The following SEMA6C variants were observed in gnomAD, a reference collection of about 807,000 sequenced individuals.
The protein encoded by SEMA6C is semaphorin 6C, also known as semaphorin-6C.
In SEMA6C, 37 loss-of-function variants were observed where a neutral mutation model predicts 72.9. That is an observed-to-expected ratio of 0.51 (90% CI 0.39 to 0.67). The LOEUF is 0.67. SEMA6C is among the 30% of genes least tolerant of loss of function. The pLI is 0.00. For missense variants in SEMA6C, 1,189 were observed against 1,263.6 expected (o/e 0.94, Z 0.89); for synonymous variants, 578 against 554.1 (o/e 1.04, Z -0.61).
chr1:151,133,543 G>C lies in SEMA6C; in HGVS notation c.1760-26C>G. 1 of 1,485,088 alleles carries C rather than the reference G, an allele frequency of 6.7e-7. No individual in the cohort carries two copies. The highest frequency in any genetic ancestry group is 8.9e-7 in the Non-Finnish European group (1 of 1,120,680). The allele number at this position is 1,485,088 out of a possible 1,614,324, so 92.0% of individuals were successfully genotyped here. On this transcript the variant is annotated intron_variant, in intron 18 of 18. Coordinates refer to ENST00000368914, the MANE Select transcript of SEMA6C (RefSeq NM_030913.6). The surrounding 1 kb of genome is among the most constrained non-coding windows in gnomAD (Gnocchi z 5.9). ...CTGCCGACCGAGAGGGAGGAGGGAGGCTCAGCCAAGGGGAGGCGGTGCGGG... is the reference window on the plus strand; with the variant it reads ...CTGCCGACCGAGAGGGAGGAGGGAGCCTCAGCCAAGGGGAGGCGGTGCGGG...
intron 3 of SEMA6C, among the ~76,000 whole-genome samples, chr1:151,140,658 G>A (rs762015159): frequency 7.9e-5 from 12 of 152,170 alleles, no homozygotes; most frequent in Non-Finnish European, 1.6e-4. Flanking sequence ...AGTCATCAGT[G>A]GTCAAAGGAT....
In SEMA6C at chr1:151,133,891, G is replaced by A; in HGVS notation, c.1760-374C>T. The A allele has an allele frequency of 1.5e-6, 2 of 1,314,070 alleles. No homozygotes were observed. Among genetic ancestry groups the A allele is most frequent in the South Asian group, 2.6e-5 (2 of 77,932 alleles). 81.4% of individuals were successfully genotyped at this position (1,314,070 alleles called of 1,614,324 possible). On this transcript the variant is annotated intron_variant, in intron 18 of 18. Transcript: ENST00000368914. This position sits in a 1 kb window ranked among gnomAD's most constrained non-coding sequence, Gnocchi z 5.9. ...TGAGCACCAAACACCATTCAGTGAG[G>A]GGCTTAGAACGCTCCGAGAATCAGC...
chr1:151,134,285 G>T, intron 18 of SEMA6C, 116 bp downstream of exon 18: 1 of 1,060,908 alleles, frequency 9.4e-7, no homozygotes, highest in Non-Finnish European at 1.4e-6. Flanking sequence ...GGAGGATGCC[G>T]ACCCTTTTCC....
In SEMA6C at chr1:151,132,696, G is replaced by C. The variant is rs891689515; in HGVS notation, c.2581C>G (p.Pro861Ala). ...RLPFSGHRAP[P>A]ALLTRVPSGG... ...GAGGGGACTCGAGTGAGCAGGGCAGGGGGGGCCCGGTGGCCGGAGAAAGGC... is the reference window on the plus strand; with the variant it reads ...GAGGGGACTCGAGTGAGCAGGGCAGCGGGGGCCCGGTGGCCGGAGAAAGGC... Residue 861 changes from proline to alanine, a missense_variant, in exon 19 of 19, where the codon CCT (proline) becomes GCT (alanine). This residue lies in a region of SEMA6C where 721 missense variants were observed against 686.2 expected (regional missense o/e 1.05). Coordinates refer to ENST00000368914, the MANE Select transcript of SEMA6C (RefSeq NM_030913.6). 4.0e-6 allele frequency: 6 copies of C among 1,500,146 alleles called. No individual in the cohort carries two copies. Among genetic ancestry groups the C allele is most frequent in the Admixed American group, 5.0e-5 (2 of 40,242 alleles). The allele number at this position is 1,500,146 out of a possible 1,614,324, so 92.9% of individuals were successfully genotyped here.
At chr1:151,137,440 C>A (rs1430629401) in intron 10 of SEMA6C, among the ~76,000 whole-genome samples, 1 of 69,296 alleles carries the variant, frequency 1.4e-5, no homozygotes, top group African/African-American at 4.5e-5. Context: ...AGCAAGACTC[C>A]GTCTCAAAAA....
At position 151,132,976 on chromosome 1, in the gene SEMA6C, C is replaced by T; in HGVS notation, c.2301G>A (p.Leu767=). Residue 767 remains leucine (L), a synonymous_variant, in exon 19 of 19, where the codon CTG becomes CTA. Coordinates refer to ENST00000368914, the MANE Select transcript of SEMA6C (RefSeq NM_030913.6). ...CPGQAVEVTT[L]EELLRYLHGP... is the part of the protein sequence containing the mutation. ...CGTGCAGGTAGCGCAGCAGTTCCTC[C>T]AGGGTGGTGACTTCCACGGCCTGCC... 1.4e-6 allele frequency: 2 copies of T among 1,414,540 alleles called. No individual in the cohort carries two copies. The highest frequency in any genetic ancestry group is 1.9e-6 in the Non-Finnish European group (2 of 1,080,392). The allele number at this position is 1,414,540 out of a possible 1,614,324, so 87.6% of individuals were successfully genotyped here.
chr1:151,137,913 C>T (rs1682192527), intron 9 of SEMA6C, 73 bp downstream of exon 9: 2 of 1,588,874 alleles, frequency 1.3e-6, no homozygotes, highest in African/African-American at 1.3e-5. Context: ...CACCATTTGC[C>T]TGCTCCCCGC....
Position 151,137,040 on chromosome 1 carries a change from C to T in SEMA6C, c.791G>A (p.Arg264His), listed in dbSNP as rs1261174942. Residue 264 changes from arginine (R) to histidine (H), a missense_variant, in exon 11 of 19, where the codon CGT becomes CAT. Arg to His is a conservative substitution (Grantham distance 29). Transcript: ENST00000368914. ...QFSRVARVCK[R>H]DMGGSPRALD... ...GGCCCGAGGCGAGCCGCCCATGTCA[C>T]GTTTACATACTCGGGCTACGCGGGA... The T allele has an allele frequency of 3.1e-6, 5 of 1,613,884 alleles. No individual in the cohort carries two copies. The highest frequency in any genetic ancestry group is 1.3e-5 in the African/African-American group (1 of 75,028).
At position 151,132,176 on chromosome 1, in the gene SEMA6C, G is replaced by A. The variant is rs775494344; in HGVS notation, c.*308C>T. On this transcript the variant is annotated 3_prime_UTR_variant, in exon 19 of 19. Coordinates refer to ENST00000368914, the MANE Select transcript of SEMA6C (RefSeq NM_030913.6). The stretch of plus-strand genomic sequence containing the variant: ...GCGGCCCGCCCGGGGCACAGTCTCT[G>A]GGGGAGCCCCGAGGGGCGAGTTAAG... 4 of 1,426,610 alleles carry A rather than the reference G, an allele frequency of 2.8e-6. No individual in the cohort carries two copies. The highest frequency in any genetic ancestry group is 2.8e-6 in the Non-Finnish European group (3 of 1,079,000). The allele number at this position is 1,426,610 out of a possible 1,614,324, so 88.4% of individuals were successfully genotyped here. A position where few individuals can be genotyped will look rare whatever the true frequency, so the allele number is the denominator to read the frequency against.
chr1:151,137,609 G>A, intron 10 of SEMA6C, 102 bp downstream of exon 10: 1 of 953,686 alleles, frequency 1.0e-6, no homozygotes, highest in South Asian at 1.5e-5. Flanking sequence ...CCAGGGGATT[G>A]CTTTGTGGAG....
intron 2 of SEMA6C, among the ~76,000 whole-genome samples, chr1:151,143,213 T>TC (rs1301776096): frequency 2.6e-5 from 4 of 152,014 alleles, no homozygotes; most frequent in African/African-American, 9.7e-5. Context: ...AAGACACAGT[T>TC]GGGGGAGGCA....
Position 151,133,664 on chromosome 1 carries a change from A to T in SEMA6C, c.1760-147T>A. 1 of 1,320,242 alleles carries T rather than the reference A, an allele frequency of 7.6e-7. No individual in the cohort carries two copies. Among genetic ancestry groups the T allele is most frequent in the Non-Finnish European group, 1.0e-6 (1 of 991,774 alleles). 81.8% of individuals were successfully genotyped at this position (1,320,242 alleles called of 1,614,324 possible). On this transcript the variant is annotated intron_variant, in intron 18 of 18. Transcript: ENST00000368914. This position sits in a 1 kb window ranked among gnomAD's most constrained non-coding sequence, Gnocchi z 5.9. ...CACTCCTACAGCCTCCACCATCCTC[A>T]GGATTCACCTCTCCTGACTCCTCAG...
At chr1:151,139,287 T>C (rs1682326091) in intron 6 of SEMA6C, 138 bp downstream of exon 6, 1 of 765,370 alleles carries the variant, frequency 1.3e-6, no homozygotes, top group Non-Finnish European at 2.3e-6. Flanking sequence ...TCAGGAATTC[T>C]CTTTCCTTCT....
In SEMA6C at chr1:151,135,195, G is replaced by A. The variant is rs1681917168; in HGVS notation, c.1548C>T (p.Leu516=). ...AGGCCCCATGCCGGGCACACCGGCTGAGAGGGAGGTAGACAATACAGCCAG... is the reference window on the plus strand; with the variant it reads ...AGGCCCCATGCCGGGCACACCGGCTAAGAGGGAGGTAGACAATACAGCCAG... ...AFSGCIVYLP[L]SRCARHGACQ... is the part of the protein sequence containing the mutation. Residue 516 remains leucine, a synonymous_variant, in exon 15 of 19, where the codon CTC becomes CTT. Transcript: ENST00000368914. The A allele has an allele frequency of 6.2e-7, 1 of 1,614,138 alleles. No individual in the cohort carries two copies. The highest frequency in any genetic ancestry group is 1.1e-5 in the South Asian group (1 of 91,084).
At chr1:151,142,014 A>G (rs1017721593) in intron 3 of SEMA6C, among the ~76,000 whole-genome samples, 1 of 150,970 alleles carries the variant, frequency 6.6e-6, no homozygotes, top group African/African-American at 2.4e-5. Flanking sequence ...CAAACCTGCT[A>G]AGGTTTGGTC....
Position 151,134,827 on chromosome 1 carries a change from C to T in SEMA6C, c.1629G>A (p.Arg543=), listed in dbSNP as rs1681887149. The stretch of plus-strand genomic sequence containing the variant: ...CAGATCCCCTGATATCCACACAGCC[C>T]CTGGAGCTATGCCATCCACAGTATG... ...QDPYCGWHSS[R]GCVDIRGSGG... Residue 543 remains arginine, a synonymous_variant, in exon 16 of 19, where the codon AGG becomes AGA. Coordinates refer to ENST00000368914, the MANE Select transcript of SEMA6C (RefSeq NM_030913.6). The T allele has an allele frequency of 1.9e-6, 3 of 1,614,042 alleles. No individual in the cohort carries two copies. The highest frequency in any genetic ancestry group is 3.3e-5 in the Admixed American group (2 of 59,998).
chr1:151,142,557 G>A lies in SEMA6C; in HGVS notation c.65C>T (p.Thr22Ile), dbSNP rs1286431662. 1.2e-6 allele frequency: 2 copies of A among 1,611,396 alleles called. No individual in the cohort carries two copies. Among genetic ancestry groups the A allele is most frequent in the African/African-American group, 2.7e-5 (2 of 74,804 alleles). ...LLLLLLSLPH[T>I]QAAFPQDPLP... ...GGGGTCCTGGGGAAAGGCGGCCTGA[G>A]TATGGGGAAGTGAGAGCAGCAGCAG... is the stretch of plus-strand genomic sequence containing the variant. The change falls in exon 3 of 19, where the codon ACT (threonine) becomes ATT (isoleucine). Residue 22 changes from threonine to isoleucine, a missense_variant. Transcript: ENST00000368914.
In SEMA6C at chr1:151,132,432, T is replaced by C. The variant is rs747575761; in HGVS notation, c.*52A>G. ...AACGTCCTGAAGAGCGTCCAGCTCG[T>C]GGCCGAGAGGACTCGGGCGCTCCCC... On this transcript the variant is annotated 3_prime_UTR_variant, in exon 19 of 19. Coordinates refer to ENST00000368914, the MANE Select transcript of SEMA6C (RefSeq NM_030913.6). The C allele has an allele frequency of 6.5e-7, 1 of 1,527,608 alleles. No homozygotes were observed. The highest frequency in any genetic ancestry group is 1.2e-5 in the South Asian group (1 of 81,314). The allele number at this position is 1,527,608 out of a possible 1,614,324, so 94.6% of individuals were successfully genotyped here. A position where few individuals can be genotyped will look rare whatever the true frequency, so the allele number is the denominator to read the frequency against.
In SEMA6C at chr1:151,132,481, C is replaced by G; in HGVS notation, c.*3G>C. Reference sequence around the variant, plus strand: ...CCACGCTGGAGGCCGTGGGCCGCTCCCTTTAAAAGTTGAAACGGCCGCCGT... The same window carrying G: ...CCACGCTGGAGGCCGTGGGCCGCTCGCTTTAAAAGTTGAAACGGCCGCCGT... On this transcript the variant is annotated 3_prime_UTR_variant, in exon 19 of 19. Transcript: ENST00000368914. 1 of 1,547,772 alleles carries G rather than the reference C, an allele frequency of 6.5e-7. No individual in the cohort carries two copies. Among genetic ancestry groups the G allele is most frequent in the Admixed American group, 2.0e-5 (1 of 50,614 alleles).
Sources: allele counts gnomAD v4.1 joint callset (sites outside exome capture counted in the v4.1 genomes callset), GRCh38; gene constraint gnomAD v4.1.1; regional missense constraint gnomAD v4.1.1; non-coding constraint Gnocchi (gnomAD v3.1); transcripts MANE v1.5; gene names NCBI Gene and HGNC (gene_info 2026-07-23, HGNC 2026-07-21).